Variants in AK9 observed in about 807,000 individuals in gnomAD.
AK9 encodes adenylate kinase 9, also known as adenylate kinase domain containing 1.
Under a neutral mutation model 239.6 loss-of-function variants are expected in AK9, and 191 were observed. That is an observed-to-expected ratio of 0.80 (90% confidence interval 0.71 to 0.90). The LOEUF is 0.90. AK9 is among the 40% of genes least tolerant of loss of function. The pLI, the probability that AK9 is intolerant of heterozygous loss-of-function variation, is 0.00. For missense variants in AK9, 1,995 were observed against 2,214.7 expected (o/e 0.90, Z 1.99); for synonymous variants, 689 against 721.0 (o/e 0.96, Z 0.71).
chr6:109,621,924 CAGAA>C (rs1794896458), intron 12 of AK9, among the ~76,000 whole-genome samples: 2 of 61,602 alleles, frequency 3.2e-5, no homozygotes, highest in African/African-American at 5.9e-5. Flanking sequence ...AAAAAAAAAA[CAGAA>C]AGAGAAATTC....
intron 8 of AK9, among the ~76,000 whole-genome samples, chr6:109,654,935 C>T (rs2128309010): frequency 6.6e-6 from 1 of 152,164 alleles, no homozygotes; most frequent in East Asian, 1.9e-4. Flanking sequence ...TCAGAGAAGA[C>T]TAGAATTGTA....
At chr6:109,628,517 C>G (rs1405954193) in intron 12 of AK9, among the ~76,000 whole-genome samples, 1 of 152,104 alleles carries the variant, frequency 6.6e-6, no homozygotes, top group African/African-American at 2.4e-5. Context: ...GCAGGGATCA[C>G]GTTAGGAGGG....
chr6:109,603,104 G>A (rs150441778), intron 17 of AK9, among the ~76,000 whole-genome samples: 1,768 of 152,266 alleles, frequency 0.012, 33 homozygotes, highest in African/African-American at 0.028. Context: ...GCTTTGTTCC[G>A]TTGCTGGCAA....
chr6:109,528,393 A>T (rs1196781019), intron 29 of AK9: 2 of 364,250 alleles, frequency 5.5e-6, no homozygotes, highest in Non-Finnish European at 1.1e-5. Context: ...TATTTGAAAC[A>T]GTGTCAGACA....
In AK9 at chr6:109,570,047, T is replaced by C. The variant is rs1174073581; in HGVS notation, c.2344+3395A>G. ...AACCAACCCAAATGTCCATCAATGA[T>C]AGACTGAATTAAGAAAATGTTGCAC... is the stretch of plus-strand genomic sequence containing the variant. On this transcript the variant is annotated intron_variant, in intron 21 of 40. Transcript: ENST00000424296. Among the ~76,000 whole-genome samples the C allele has an allele frequency of 3.3e-5, 5 of 152,254 alleles. No homozygotes were observed. The East Asian group carries it at 9.6e-4, about 29-fold the overall frequency.
chr6:109,651,790 A>G (rs1798989422), intron 8 of AK9, among the ~76,000 whole-genome samples: 1 of 152,166 alleles, frequency 6.6e-6, no homozygotes, highest in South Asian at 2.1e-4. Context: ...TACTATAAAT[A>G]CTAGAAAATT....
At chr6:109,587,176 A>C (rs1789611992) in intron 17 of AK9, among the ~76,000 whole-genome samples, 1 of 152,232 alleles carries the variant, frequency 6.6e-6, no homozygotes, top group African/African-American at 2.4e-5. Context: ...GAAATGTTTA[A>C]CATAAGAGAA....
chr6:109,600,863 C>T (rs186760616), intron 17 of AK9, among the ~76,000 whole-genome samples: 6 of 152,244 alleles, frequency 3.9e-5, no homozygotes, highest in Admixed American at 1.3e-4. Flanking sequence ...AGTTTATTTG[C>T]GTGGAGGTGT....
chr6:109,569,601 C>T (rs894978251), intron 21 of AK9, among the ~76,000 whole-genome samples: 1 of 152,092 alleles, frequency 6.6e-6, no homozygotes, highest in Non-Finnish European at 1.5e-5. Flanking sequence ...CGAACAACCC[C>T]ATCAAAAAGT....
chr6:109,564,001 A>G, intron 23 of AK9, 79 bp downstream of exon 23: 2 of 1,345,508 alleles, frequency 1.5e-6, no homozygotes, highest in Middle Eastern at 2.7e-4. Context: ...TAAACCATCA[A>G]AGAAGGCTTT....
intron 9 of AK9, among the ~76,000 whole-genome samples, chr6:109,642,455 C>T (rs575974409): frequency 7.9e-4 from 120 of 152,222 alleles, no homozygotes; most frequent in Non-Finnish European, 1.6e-3. Context: ...AGTACACTTC[C>T]TTATTCCACT....
intron 14 of AK9, 28 bp downstream of exon 14, chr6:109,614,357 C>A (rs55895756): frequency 0.054 from 83,120 of 1,549,090 alleles, 2,474 homozygotes; most frequent in Admixed American, 0.1. Flanking sequence ...ATGATTTGGT[C>A]AATAACATCA....
In AK9 at chr6:109,671,992, A is replaced by C; in HGVS notation, c.258T>G (p.Gly86=). The C allele has an allele frequency of 6.2e-7, 1 of 1,614,018 alleles. No individual in the cohort carries two copies. Residue 86 remains glycine (G), a synonymous_variant, in exon 5 of 41, where the codon GGT becomes GGG. Transcript: ENST00000424296. ...GVMLQSMLIS[G]QSIPDELVIK... is the part of the protein sequence containing the mutation. ...TGACAAGTTCATCTGGAATGCTTTGACCGCTGATCAACATTGATTGCAACT... is the reference window on the plus strand; with the variant it reads ...TGACAAGTTCATCTGGAATGCTTTGCCCGCTGATCAACATTGATTGCAACT...
intron 13 of AK9, among the ~76,000 whole-genome samples, chr6:109,617,825 C>T (rs1169821551): frequency 6.7e-6 from 1 of 148,492 alleles, no homozygotes; most frequent in Non-Finnish European, 1.5e-5. Context: ...TCTGCTTTTT[C>T]TGGTTTTCTG....
intron 10 of AK9, among the ~76,000 whole-genome samples, chr6:109,635,301 A>T (rs1412887011): frequency 6.6e-6 from 1 of 152,192 alleles, no homozygotes; most frequent in East Asian, 1.9e-4. Flanking sequence ...AAAGATAGGT[A>T]TGGGAGGGGT....
intron 24 of AK9, among the ~76,000 whole-genome samples, chr6:109,558,126 A>C (rs1178390891): frequency 6.6e-6 from 1 of 152,192 alleles, no homozygotes; most frequent in African/African-American, 2.4e-5. Flanking sequence ...TTCTTTATCT[A>C]TTCTGGATAT....
intron 21 of AK9, among the ~76,000 whole-genome samples, chr6:109,567,936 A>G (rs1259627941): frequency 2.6e-5 from 4 of 151,934 alleles, no homozygotes; most frequent in African/African-American, 9.7e-5. Context: ...TATAAGGCCA[A>G]CATCATCCTG....
intron 10 of AK9, among the ~76,000 whole-genome samples, chr6:109,640,571 A>G (rs536208909): frequency 9.0e-6 from 1 of 111,080 alleles, no homozygotes; most frequent in South Asian, 4.0e-4. Flanking sequence ...TTGGAACTCC[A>G]CCCCAATTTT....
At chr6:109,512,633 TTCAG>T (rs1431907588) in intron 32 of AK9, among the ~76,000 whole-genome samples, 2 of 152,238 alleles carry the variant, frequency 1.3e-5, no homozygotes, top group Non-Finnish European at 2.9e-5. Context: ...TTGTTCTCTA[TTCAG>T]TCAGTCATTA....
Sources: allele counts gnomAD v4.1 joint callset (sites outside exome capture counted in the v4.1 genomes callset), GRCh38; gene constraint gnomAD v4.1.1; transcripts MANE v1.5; gene names NCBI Gene and HGNC (gene_info 2026-07-23, HGNC 2026-07-21).